Variants in STARD13 observed in about 807,000 individuals in gnomAD.
STARD13 encodes stAR-related lipid transfer protein 13.
Under a neutral mutation model 106.4 loss-of-function variants are expected in STARD13, and 62 were observed. The observed-to-expected ratio is 0.58, with a 90% CI of 0.48 to 0.72. The LOEUF is 0.72. STARD13 is among the 30% of genes least tolerant of loss of function. STARD13 has a pLI of 0.00. For missense variants in STARD13, 1,387 were observed against 1,424.0 expected (o/e 0.97, Z 0.42); for synonymous variants, 565 against 553.0 (o/e 1.02, Z -0.31).
the STARD13 span, among the ~76,000 whole-genome samples, chr13:33,554,430 C>A: frequency 6.6e-6 from 1 of 152,160 alleles, no homozygotes; most frequent in Non-Finnish European, 1.5e-5. Context: ...GTTACCTAAC[C>A]TTCCATGCCT....
chr13:33,664,751 G>A, the STARD13 span, among the ~76,000 whole-genome samples: 9,021 of 152,012 alleles, frequency 0.059, 945 homozygotes, highest in African/African-American at 0.21. Context: ...CTCAGCCTCC[G>A]GAGTAGCGGG....
chr13:33,382,304 G>A, the STARD13 span, among the ~76,000 whole-genome samples: 5 of 152,052 alleles, frequency 3.3e-5, no homozygotes, highest in Non-Finnish European at 5.9e-5. Context: ...GGGCTTTTGC[G>A]GTGCTGTGCC....
chr13:33,264,076 A>C (rs565134394), intron 1 of STARD13, among the ~76,000 whole-genome samples: 6 of 152,346 alleles, frequency 3.9e-5, no homozygotes, highest in Admixed American at 2.6e-4. Context: ...ATGTAGATGC[A>C]CCAGCTGCCA....
At chr13:33,499,535 TTCTTC>T in the STARD13 span, among the ~76,000 whole-genome samples, 1 of 49,084 alleles carries the variant, frequency 2.0e-5, no homozygotes, top group African/African-American at 7.7e-5. Context: ...CTTCTTCTTC[TTCTTC>T]TTCTTCTTCT....
the STARD13 span, among the ~76,000 whole-genome samples, chr13:33,486,383 T>A: frequency 6.6e-6 from 1 of 152,166 alleles, no homozygotes; most frequent in Non-Finnish European, 1.5e-5. Context: ...ATATAAACTA[T>A]GTTTTTTCCT....
At chr13:33,365,529 A>C in the STARD13 span, among the ~76,000 whole-genome samples, 1 of 152,198 alleles carries the variant, frequency 6.6e-6, no homozygotes, top group Non-Finnish European at 1.5e-5. Flanking sequence ...GGGTAGCAAG[A>C]CTTGAGATTT....
At chr13:33,594,033 A>G in the STARD13 span, among the ~76,000 whole-genome samples, 2 of 152,046 alleles carry the variant, frequency 1.3e-5, no homozygotes, top group Admixed American at 6.6e-5. Flanking sequence ...CAGCCTCCCA[A>G]GTAGCTGGGA....
At chr13:33,543,076 A>G in the STARD13 span, among the ~76,000 whole-genome samples, 1 of 152,244 alleles carries the variant, frequency 6.6e-6, no homozygotes, top group Non-Finnish European at 1.5e-5. Flanking sequence ...TTTTAAGTCC[A>G]GAAGAAACGG....
chr13:33,363,332 T>C, the STARD13 span, among the ~76,000 whole-genome samples: 1 of 152,228 alleles, frequency 6.6e-6, no homozygotes, highest in Admixed American at 6.5e-5. Flanking sequence ...CATGCCTATC[T>C]GGCAAAACCC....
chr13:33,132,301 C>T (rs1878416973), intron 4 of STARD13, among the ~76,000 whole-genome samples: 1 of 152,082 alleles, frequency 6.6e-6, no homozygotes, highest in South Asian at 2.1e-4. Context: ...ATGGGAGGGA[C>T]CCGGTGGGAG....
At chr13:33,389,775 A>G in the STARD13 span, among the ~76,000 whole-genome samples, 2 of 152,202 alleles carry the variant, frequency 1.3e-5, no homozygotes, top group Non-Finnish European at 2.9e-5. Flanking sequence ...TGAATTTACT[A>G]CATTAATTTC....
chr13:33,463,102 G>A, the STARD13 span, among the ~76,000 whole-genome samples: 1 of 152,166 alleles, frequency 6.6e-6, no homozygotes, highest in African/African-American at 2.4e-5. Context: ...AGTGATGCAG[G>A]GTAGGCAAGC....
upstream of STARD13, among the ~76,000 whole-genome samples, chr13:33,286,999 G>T (rs958991427): frequency 6.6e-6 from 1 of 152,044 alleles, no homozygotes; most frequent in African/African-American, 2.4e-5. Context: ...GATGTGAAGA[G>T]AAAAAGTCCA....
chr13:33,650,662 C>T, the STARD13 span, among the ~76,000 whole-genome samples: 3 of 152,190 alleles, frequency 2.0e-5, no homozygotes, highest in Non-Finnish European at 4.4e-5. Flanking sequence ...TGAAGGTGTG[C>T]ATGCTATGAT....
At chr13:33,562,135 A>C in the STARD13 span, among the ~76,000 whole-genome samples, 3 of 146,732 alleles carry the variant, frequency 2.0e-5, no homozygotes, top group African/African-American at 7.6e-5. Flanking sequence ...ATATTGTTTG[A>C]ATGTATCTGG....
chr13:33,512,832 C>T, the STARD13 span, among the ~76,000 whole-genome samples: 29 of 152,204 alleles, frequency 1.9e-4, no homozygotes, highest in African/African-American at 5.5e-4. Flanking sequence ...CAGCAAACCA[C>T]TAGAAGATAC....
At chr13:33,475,739 C>T in the STARD13 span, among the ~76,000 whole-genome samples, 1 of 152,138 alleles carries the variant, frequency 6.6e-6, no homozygotes, top group African/African-American at 2.4e-5. Flanking sequence ...GAGCAGATCA[C>T]AAGGTCAAGA....
At chr13:33,349,057 G>A in exon 2 of STARD13, 1 of 697,370 alleles carries the variant, frequency 1.4e-6, no homozygotes. Flanking sequence ...CAAACCACTT[G>A]CTTTACAGTT....
chr13:33,523,061 T>C, the STARD13 span, among the ~76,000 whole-genome samples: 1 of 152,154 alleles, frequency 6.6e-6, no homozygotes, highest in South Asian at 2.1e-4. Context: ...AACTACTCTC[T>C]GCTTTTTTCC....
Sources: allele counts gnomAD v4.1 joint callset (sites outside exome capture counted in the v4.1 genomes callset), GRCh38; gene constraint gnomAD v4.1.1; transcripts MANE v1.5; gene names NCBI Gene and HGNC (gene_info 2026-07-23, HGNC 2026-07-21).